Variants in SOX6 observed in about 807,000 individuals in gnomAD.
SOX6 encodes transcription factor SOX-6.
Under a neutral mutation model 97.8 loss-of-function variants are expected in SOX6, and 11 were observed. The ratio of observed to expected loss-of-function variants is 0.11; its 90% CI spans 0.07 to 0.19. The LOEUF is 0.19. Among genes scored for constraint, SOX6 ranks in the 10% least tolerant of loss-of-function variants. The probability of loss-of-function intolerance (pLI) is 1.00; values close to 1 mark genes in which losing one functional copy is unlikely to be tolerated. For missense variants in SOX6, 810 were observed against 1,039.5 expected, an observed-to-expected ratio of 0.78 and a Z score of 3.04; for synonymous variants, 360 against 371.4, an observed-to-expected ratio of 0.97 and a Z score of 0.35.
In SOX6 at chr11:16,613,781, G is replaced by T. The variant is rs1271994408; in HGVS notation, n.430-1521C>A. Among the ~76,000 whole-genome samples the T allele has an allele frequency of 6.6e-6, 1 of 152,226 alleles. No individual in the cohort carries two copies. The highest frequency in any genetic ancestry group is 1.9e-4 in the East Asian group (1 of 5,186). ...TCCGTGGATGAACTGCGAGGATGCC[G>T]GCGGTCAGGCTTGGCCGAGCTTTGT... On this transcript the variant is annotated intron_variant and non_coding_transcript_variant, in intron 3 of 5. Coordinates refer to the SOX6 transcript ENST00000524520. This position sits in a 1 kb window ranked among gnomAD's most constrained non-coding sequence, Gnocchi z 4.6.
At chr11:16,238,157 C>G (rs1853079957) in intron 3 of SOX6, among the ~76,000 whole-genome samples, 1 of 151,862 alleles carries the variant, frequency 6.6e-6, no homozygotes, top group Non-Finnish European at 1.5e-5. Context: ...TAAAAGAGTA[C>G]TATCAAAAAT....
chr11:16,581,278 G>A (rs1403721374), intron 4 of SOX6, among the ~76,000 whole-genome samples: 1 of 152,134 alleles, frequency 6.6e-6, no homozygotes, highest in East Asian at 1.9e-4. Context: ...AAAAAGGAAT[G>A]AGAGATCATG....
At chr11:16,333,397 T>A (rs985398794) in intron 2 of SOX6, among the ~76,000 whole-genome samples, 11 of 152,256 alleles carry the variant, frequency 7.2e-5, no homozygotes, top group Middle Eastern at 3.4e-3. Flanking sequence ...GTTCCAGTTA[T>A]CATATTTCAT....
chr11:16,073,535 G>A (rs374028958), intron 9 of SOX6, among the ~76,000 whole-genome samples: 5 of 152,000 alleles, frequency 3.3e-5, no homozygotes, highest in African/African-American at 1.2e-4. Flanking sequence ...ACAGCTCATC[G>A]AGCCAGAAAT....
At chr11:16,036,157 G>A (rs59237138) in intron 12 of SOX6, among the ~76,000 whole-genome samples, 3,547 of 145,536 alleles carry the variant, frequency 0.024, 139 homozygotes, top group African/African-American at 0.086. Flanking sequence ...TCTGCTCACC[G>A]CAACCTCTGC....
intron 2 of SOX6, chr11:16,736,263 A>T (rs1039874670): frequency 9.2e-5 from 14 of 152,246 alleles, no homozygotes; most frequent in Admixed American, 8.5e-4. Flanking sequence ...TTGTTTTTAC[A>T]ATACAAGAAA....
intron 2 of SOX6, among the ~76,000 whole-genome samples, chr11:16,715,204 C>G (rs1285088069): frequency 6.6e-6 from 1 of 152,076 alleles, no homozygotes; most frequent in Non-Finnish European, 1.5e-5. Flanking sequence ...GTATAAAGTA[C>G]CCACCGGATT....
chr11:16,254,522 C>T (rs1473051003), intron 3 of SOX6, among the ~76,000 whole-genome samples: 1 of 151,936 alleles, frequency 6.6e-6, no homozygotes, highest in South Asian at 2.1e-4. Context: ...TTATGAGGTA[C>T]CTGCACACCT....
chr11:16,597,250 A>G (rs1170541667), intron 4 of SOX6, among the ~76,000 whole-genome samples: 1 of 151,812 alleles, frequency 6.6e-6, no homozygotes, highest in Non-Finnish European at 1.5e-5. Flanking sequence ...TCATATAACT[A>G]TTGTCAATTT....
chr11:16,466,213 T>G (rs1320759153), intron 1 of SOX6, among the ~76,000 whole-genome samples: 1 of 152,260 alleles, frequency 6.6e-6, no homozygotes, highest in Non-Finnish European at 1.5e-5. Flanking sequence ...CACATTTTTA[T>G]GCTTTGGAGC....
In SOX6 at chr11:16,673,956, G is replaced by A. The variant is rs186540611; in HGVS notation, n.429+40874C>T. ...TGTAATCCCAGCACTTTGGGAGGCCGAGGCAGGCGGATCACAAGGTCAGGA... is the reference window on the plus strand; with the variant it reads ...TGTAATCCCAGCACTTTGGGAGGCCAAGGCAGGCGGATCACAAGGTCAGGA... On this transcript the variant is annotated intron_variant and non_coding_transcript_variant, in intron 3 of 5. Coordinates refer to the SOX6 transcript ENST00000524520. 3.4e-4 allele frequency among the ~76,000 whole-genome samples: 51 copies of A among 151,994 alleles called. No homozygotes were observed. In the East Asian group the frequency reaches 7.6e-3, roughly 23 times the overall value.
intron 4 of SOX6, among the ~76,000 whole-genome samples, chr11:16,225,077 A>T (rs10766307): frequency 0.98 from 148,640 of 152,140 alleles, 72,695 homozygotes; most frequent in East Asian, 1. Context: ...ATCTGTTGTG[A>T]CAATCTTTTT....
At chr11:16,083,951 T>C (rs895343784) in intron 9 of SOX6, among the ~76,000 whole-genome samples, 2 of 152,178 alleles carry the variant, frequency 1.3e-5, no homozygotes, top group Non-Finnish European at 2.9e-5. Flanking sequence ...TCTGAAAGTC[T>C]ATGGAATTGT....
At chr11:16,635,014 G>A (rs759127689) in intron 3 of SOX6, among the ~76,000 whole-genome samples, 2 of 152,124 alleles carry the variant, frequency 1.3e-5, no homozygotes, top group Non-Finnish European at 2.9e-5. Flanking sequence ...GTTTCCTGAG[G>A]CCTCCTCTGC....
chr11:16,499,366 A>G (rs946573161), intron 4 of SOX6, among the ~76,000 whole-genome samples: 1 of 152,186 alleles, frequency 6.6e-6, no homozygotes, highest in Non-Finnish European at 1.5e-5. Context: ...GGAAAGATCT[A>G]AAATTAACAC....
intron 4 of SOX6, among the ~76,000 whole-genome samples, chr11:16,520,643 GC>G (rs1215059919): frequency 3.9e-5 from 6 of 152,194 alleles, no homozygotes; most frequent in Admixed American, 6.5e-5. Flanking sequence ...AGTGGGTGCA[GC>G]ACAACATGTG....
intron 4 of SOX6, among the ~76,000 whole-genome samples, chr11:16,562,648 CTGGGACTTT>C: frequency 6.6e-6 from 1 of 152,254 alleles, no homozygotes; most frequent in African/African-American, 2.4e-5. Context: ...AGGTAGTCAT[CTGGGACTTT>C]TACCCCCACC....
At chr11:16,417,043 GT>G (rs1858940117) in intron 1 of SOX6, among the ~76,000 whole-genome samples, 1 of 152,196 alleles carries the variant, frequency 6.6e-6, no homozygotes, top group African/African-American at 2.4e-5. Context: ...TGGTGAGAAA[GT>G]GGAAGTATTG....
intron 1 of SOX6, among the ~76,000 whole-genome samples, chr11:16,460,576 T>C (rs1032970003): frequency 3.9e-5 from 6 of 152,134 alleles, no homozygotes; most frequent in African/African-American, 1.4e-4. Context: ...CACTTATGAC[T>C]ATGTTCTCCT....
Sources: allele counts gnomAD v4.1 joint callset (sites outside exome capture counted in the v4.1 genomes callset), GRCh38; gene constraint gnomAD v4.1.1; non-coding constraint Gnocchi (gnomAD v3.1); transcripts MANE v1.5; gene names NCBI Gene and HGNC (gene_info 2026-07-23, HGNC 2026-07-21).